Variants in PLCB3 observed in about 807,000 individuals in gnomAD.
PLCB3 encodes the protein phospholipase C beta 3, also known as 1-phosphatidylinositol 4,5-bisphosphate phosphodiesterase beta-3.
PLCB3 carries 54 observed loss-of-function variants against 152.1 expected under a neutral mutation model. The observed-to-expected ratio is 0.36, with a 90% CI of 0.29 to 0.45. The LOEUF is 0.45. Among genes scored for constraint, PLCB3 ranks in the 20% least tolerant of loss-of-function variants. The pLI is 1.00. For synonymous variants in PLCB3, 717 were observed against 698.7 expected (o/e 1.03, Z -0.41); for missense variants, 1,248 against 1,687.5 (o/e 0.74, Z 4.56).
In PLCB3 at chr11:64,266,547, C is replaced by A; in HGVS notation, c.3409C>A (p.Arg1137Ser). The change falls in exon 29 of 31, where the codon CGT becomes AGT. Residue 1137 changes from arginine (R) to serine (S), a missense_variant. Around this residue, in one of 6 missense-constraint regions of PLCB3, gnomAD observed 477 missense variants for 489.6 expected, o/e 0.97. Coordinates refer to ENST00000279230, the MANE Select transcript of PLCB3 (RefSeq NM_000932.5). This position sits in a 1 kb window ranked among gnomAD's most constrained non-coding sequence, Gnocchi z 4.9. ...RHITESVNSI[R>S]RLEEAQKQRH... Reference sequence around the variant, plus strand: ...CATCACTGAGTCAGTCAACTCCATCCGTCGGGTGAGTCAGGCTCCCGGGCC... The same window carrying A: ...CATCACTGAGTCAGTCAACTCCATCAGTCGGGTGAGTCAGGCTCCCGGGCC... The A allele has an allele frequency of 1.2e-6, 2 of 1,613,792 alleles. No individual in the cohort carries two copies. Among genetic ancestry groups the A allele is most frequent in the Non-Finnish European group, 8.5e-7 (1 of 1,179,894 alleles).
rs764896637 is a variant in PLCB3, at chr11:64,262,456, C to T, written c.2088C>T (p.Ser696=). Residue 696 remains serine (S), a synonymous_variant, in exon 18 of 31, where the codon AGC becomes AGT. Coordinates refer to ENST00000279230, the MANE Select transcript of PLCB3 (RefSeq NM_000932.5). The part of the protein sequence containing the change: ...NAGVFEYNGR[S]GYLLKPEFMR... ...GCGTTTTTGAGTACAACGGGCGCAG[C>T]GGGTACCTGCTCAAGCCGGAGTTCA... The T allele has an allele frequency of 5.0e-6, 8 of 1,613,876 alleles. No individual in the cohort carries two copies. Among genetic ancestry groups the T allele is most frequent in the Admixed American group, 3.3e-5 (2 of 60,034 alleles).
At chr11:64,252,501 G>C (rs2031266800) in intron 1 of PLCB3, among the ~76,000 whole-genome samples, 1 of 152,192 alleles carries the variant, frequency 6.6e-6, no homozygotes, top group Non-Finnish European at 1.5e-5. Context: ...TGCCCCCTGG[G>C]CCCTTCCTTC....
chr11:64,263,498 G>A lies in PLCB3; in HGVS notation c.2356G>A (p.Val786Met). The part of the protein sequence containing the change: ...WDEEPFDFPK[V>M]VLPTLASLRI... ...GGCTCAGCTCCAGTCTGGCCCACAG[G>A]TGGTGCTGCCCACGCTGGCTTCACT... The change falls in exon 20 of 31, where the codon GTG (valine) becomes ATG (methionine). Residue 786 changes from valine to methionine, a missense_variant and splice_region_variant. Val to Met is a conservative substitution (Grantham distance 21). Transcript: ENST00000279230. 1 of 1,549,754 alleles carries A rather than the reference G, an allele frequency of 6.5e-7. No individual in the cohort carries two copies.
Position 64,265,455 on chromosome 11 carries a change from G to T in PLCB3, c.2988G>T (p.Leu996=). The T allele has an allele frequency of 6.2e-7, 1 of 1,609,472 alleles. No individual in the cohort carries two copies. ...VTLTRRLLDG[L]AQAQAEGRCR... is the part of the protein sequence containing the mutation. ...TCACCCGCCGCCTGCTGGATGGCCT[G>T]GCTCAGGCACAGGCTGAGGGCAGGT... Residue 996 remains leucine, a synonymous_variant, in exon 25 of 31, where the codon CTG becomes CTT. Coordinates refer to ENST00000279230, the MANE Select transcript of PLCB3 (RefSeq NM_000932.5).
chr11:64,263,893 G>C, intron 21 of PLCB3, 98 bp downstream of exon 21: 1 of 1,200,998 alleles, frequency 8.3e-7, no homozygotes, highest in Non-Finnish European at 1.2e-6. Flanking sequence ...GGCCCCGACT[G>C]AGTAGGGAAC....
chr11:64,265,561 G>A, intron 25 of PLCB3, 59 bp downstream of exon 25: 4 of 1,523,288 alleles, frequency 2.6e-6, no homozygotes, highest in Non-Finnish European at 3.5e-6. Context: ...TGAACATGGG[G>A]GTCGGTGGGC....
chr11:64,259,930 C>T (rs958947977), intron 13 of PLCB3, 99 bp from the exon 14 acceptor site: 1 of 977,244 alleles, frequency 1.0e-6, no homozygotes, highest in Non-Finnish European at 1.5e-6. Flanking sequence ...CTTGAATTCC[C>T]CACTGAGTCA....
chr11:64,260,372 G>A, intron 14 of PLCB3, 138 bp downstream of exon 14: 1 of 654,620 alleles, frequency 1.5e-6, no homozygotes, highest in Non-Finnish European at 2.7e-6. Flanking sequence ...TGGGAGGAGG[G>A]CTCTTCAGTC....
chr11:64,263,634 A>T, intron 20 of PLCB3, 37 bp downstream of exon 20: 1 of 1,602,878 alleles, frequency 6.2e-7, no homozygotes, highest in East Asian at 2.2e-5. Context: ...CACAGCGGGC[A>T]GTGGGTAGGG....
rs191435522 is a variant in PLCB3 at position 64,255,105 on chromosome 11, C to T, written c.387+67C>T. On this transcript the variant is annotated intron_variant, in intron 4 of 30. Transcript: ENST00000279230. This position sits in a 1 kb window ranked among gnomAD's most constrained non-coding sequence, Gnocchi z 6.8. ...ATTCTGTGAGTCGGCCGTCACTTACCGAACACCTGCTGTGTTCTAGGCTGC... is the reference window on the plus strand; with the variant it reads ...ATTCTGTGAGTCGGCCGTCACTTACTGAACACCTGCTGTGTTCTAGGCTGC... 403 of 1,549,736 alleles carry T rather than the reference C, an allele frequency of 2.6e-4. 2 individuals carry two copies. Among genetic ancestry groups the T allele is most frequent in the Middle Eastern group, 3.4e-4 (2 of 5,862 alleles).
At position 64,258,484 on chromosome 11, in the gene PLCB3, G is replaced by A. The variant is rs1405908704; in HGVS notation, c.1024G>A (p.Ala342Thr). The change falls in exon 11 of 31, where the codon GCT becomes ACT. Residue 342 changes from alanine (A) to threonine (T), a missense_variant. By Grantham distance (58) the Ala-to-Thr change is moderately conservative (BLOSUM62 0). Coordinates refer to ENST00000279230, the MANE Select transcript of PLCB3 (RefSeq NM_000932.5). This position sits in a 1 kb window ranked among gnomAD's most constrained non-coding sequence, Gnocchi z 7.2. Reference sequence around the variant, plus strand: ...CCTCGCCGCCCCAGCGGGGCAGCTGGCTGGGACCTCGTCGGTGGAGATGTA... The same window carrying A: ...CCTCGCCGCCCCAGCGGGGCAGCTGACTGGGACCTCGTCGGTGGAGATGTA... Reference protein sequence around the residue: ...HNTYLTAGQLAGTSSVEMYRQ... With the variant: ...HNTYLTAGQLTGTSSVEMYRQ... The A allele has an allele frequency of 6.2e-7, 1 of 1,612,904 alleles. No homozygotes were observed. The highest frequency in any genetic ancestry group is 8.5e-7 in the Non-Finnish European group (1 of 1,179,732).
In PLCB3 at chr11:64,267,607, C is replaced by A. The variant is rs539868645; in HGVS notation, c.*51C>A. ...GCCAGGGCGGGCGCTGGGTGGAGGG[C>A]AGGAGGCAATGACACTAATGCTTTT... On this transcript the variant is annotated 3_prime_UTR_variant, in exon 31 of 31. Transcript: ENST00000279230. The surrounding 1 kb of genome is among the most constrained non-coding windows in gnomAD (Gnocchi z 5.2). 4 of 1,239,946 alleles carry A rather than the reference C, an allele frequency of 3.2e-6. No homozygotes were observed. The highest frequency in any genetic ancestry group is 3.0e-5 in the African/African-American group (2 of 65,750). 76.8% of individuals were successfully genotyped at this position (1,239,946 alleles called of 1,614,324 possible).
Position 64,258,671 on chromosome 11 carries a change from C to T in PLCB3, c.1211C>T (p.Ser404Leu), listed in dbSNP as rs746266616. The T allele has an allele frequency of 1.2e-6, 2 of 1,614,044 alleles. No individual in the cohort carries two copies. Among genetic ancestry groups the T allele is most frequent in the East Asian group, 2.2e-5 (1 of 44,878 alleles). ...ATTGCCGAGACTGCCTTCAAGACCTCGCCCTACCCCGTCATCCTCTCCTTC... is the reference window on the plus strand; with the variant it reads ...ATTGCCGAGACTGCCTTCAAGACCTTGCCCTACCCCGTCATCCTCTCCTTC... ...EAIAETAFKT[S>L]PYPVILSFEN... The change falls in exon 11 of 31, where the codon TCG (serine) becomes TTG (leucine). Residue 404 changes from serine to leucine, a missense_variant. Ser to Leu is a moderately radical substitution (Grantham distance 145). This residue lies in a region of PLCB3 where 122 missense variants were observed against 221.8 expected (regional missense o/e 0.55). Transcript: ENST00000279230. This position sits in a 1 kb window ranked among gnomAD's most constrained non-coding sequence, Gnocchi z 7.2.
rs267603096 is a variant in PLCB3, at chr11:64,255,440, C to G, written c.512C>G (p.Pro171Arg). Residue 171 changes from proline to arginine, a missense_variant, in exon 6 of 31, where the codon CCC (proline) becomes CGC (arginine). By Grantham distance (103) the Pro-to-Arg change is moderately radical. Transcript: ENST00000279230. This position sits in a 1 kb window ranked among gnomAD's most constrained non-coding sequence, Gnocchi z 6.8. Reference sequence around the variant, plus strand: ...CAGGTGAACCAGGATGGTCGGATCCCCGTCAAGAAGTGAGCACCCCTTCCC... The same window carrying G: ...CAGGTGAACCAGGATGGTCGGATCCGCGTCAAGAAGTGAGCACCCCTTCCC... ...KLQVNQDGRI[P>R]VKNILKMFSA... 6.2e-7 allele frequency: 1 copy of G among 1,614,140 alleles called. No homozygotes were observed. The highest frequency in any genetic ancestry group is 1.1e-5 in the South Asian group (1 of 91,086).
intron 1 of PLCB3, among the ~76,000 whole-genome samples, chr11:64,253,374 C>T (rs2031339792): frequency 6.6e-6 from 1 of 152,240 alleles, no homozygotes; most frequent in African/African-American, 2.4e-5. Flanking sequence ...GCACATGCCT[C>T]TTAGGCTGGT....
intron 14 of PLCB3, among the ~76,000 whole-genome samples, 186 bp downstream of exon 14, chr11:64,260,420 T>A (rs1454847111): frequency 6.6e-6 from 1 of 152,010 alleles, no homozygotes; most frequent in Middle Eastern, 3.2e-3. Flanking sequence ...CTGCTGGTGA[T>A]GTGGCCTGGG....
chr11:64,266,086 C>T lies in PLCB3; in HGVS notation c.3190-40C>T, dbSNP rs377319239. 27 of 1,613,708 alleles carry T rather than the reference C, an allele frequency of 1.7e-5. No homozygotes were observed. Among genetic ancestry groups the T allele is most frequent in the East Asian group, 2.2e-5 (1 of 44,874 alleles). On this transcript the variant is annotated intron_variant, in intron 26 of 30. Transcript: ENST00000279230. This position sits in a 1 kb window ranked among gnomAD's most constrained non-coding sequence, Gnocchi z 4.9. ...GGGAAAGCCTGCTGGATAGACCCGT[C>T]GTCAGCCCGGCATCACCTGTCAGCT...
In PLCB3 at chr11:64,267,711, C is replaced by T; in HGVS notation, c.*155C>T. ...AAGTACCTCAGCTAACTCCCTTCATCCTCCTGGGGCCCCTCCTTCCTGCCC... is the reference window on the plus strand; with the variant it reads ...AAGTACCTCAGCTAACTCCCTTCATTCTCCTGGGGCCCCTCCTTCCTGCCC... On this transcript the variant is annotated 3_prime_UTR_variant, in exon 31 of 31. Transcript: ENST00000279230. This position sits in a 1 kb window ranked among gnomAD's most constrained non-coding sequence, Gnocchi z 5.2. 2 of 651,188 alleles carry T rather than the reference C, an allele frequency of 3.1e-6. No homozygotes were observed. Among genetic ancestry groups the T allele is most frequent in the South Asian group, 2.1e-5 (1 of 48,736 alleles). 40.3% of individuals were successfully genotyped at this position (651,188 alleles called of 1,614,324 possible). A position where few individuals can be genotyped will look rare whatever the true frequency, so the allele number is the denominator to read the frequency against.
At chr11:64,262,184 A>G in intron 17 of PLCB3, 108 bp downstream of exon 17, 1 of 1,505,706 alleles carries the variant, frequency 6.6e-7, no homozygotes, top group South Asian at 1.1e-5. Flanking sequence ...GTCTCATCCC[A>G]GATCCCAGGG....
Sources: gnomAD v4.1 joint callset for allele counts (sites outside exome capture counted in the v4.1 genomes callset) on GRCh38, gnomAD v4.1.1 for gene constraint, gnomAD v4.1.1 regional missense constraint, Gnocchi (gnomAD v3.1) non-coding constraint, MANE v1.5 for transcripts, NCBI Gene and HGNC (gene_info 2026-07-23, HGNC 2026-07-21) for gene names.